NCKAP5L: variants seen among roughly 807,000 people sequenced by gnomAD.
NCKAP5L encodes the protein nck-associated protein 5-like.
A neutral mutation model predicts 103.2 loss-of-function variants in NCKAP5L; 54 were observed. The ratio of observed to expected loss-of-function variants is 0.52; its 90% confidence interval spans 0.42 to 0.66. The LOEUF is 0.66. NCKAP5L is among the 30% of genes least tolerant of loss of function. The pLI is 0.00. For missense variants in NCKAP5L, 1,733 were observed against 1,750.6 expected (o/e 0.99, Z 0.18); for synonymous variants, 762 against 748.6 (o/e 1.02, Z -0.29).
intron 1 of NCKAP5L, among the ~76,000 whole-genome samples, chr12:49,810,126 C>T (rs1946223136): frequency 1.3e-5 from 2 of 150,420 alleles, no homozygotes; most frequent in Non-Finnish European, 3.0e-5. Flanking sequence ...TCAGAGCCCT[C>T]CTGCTCCCTG....
chr12:49,821,692 T>C (rs1946363724), intron 1 of NCKAP5L, among the ~76,000 whole-genome samples: 1 of 152,360 alleles, frequency 6.6e-6, no homozygotes, highest in Non-Finnish European at 1.5e-5. Context: ...TAAAACTGTT[T>C]AATTACTTGA....
At chr12:49,823,941 C>G (rs1307895207) in intron 1 of NCKAP5L, among the ~76,000 whole-genome samples, 1 of 152,180 alleles carries the variant, frequency 6.6e-6, no homozygotes, top group East Asian at 1.9e-4. Flanking sequence ...AAGGATTTCC[C>G]CTCACAGAGA....
intron 3 of NCKAP5L, 86 bp downstream of exon 3, chr12:49,803,836 C>T: frequency 6.6e-7 from 1 of 1,517,580 alleles, no homozygotes; most frequent in South Asian, 1.3e-5. Context: ...CACCCAAAAA[C>T]CTGCAGGAAG....
intron 1 of NCKAP5L, among the ~76,000 whole-genome samples, chr12:49,826,530 C>A (rs1354211890): frequency 1.3e-5 from 2 of 152,218 alleles, no homozygotes; most frequent in African/African-American, 2.4e-5. Context: ...GCACACCCAA[C>A]ACTTTAGCTC....
intron 1 of NCKAP5L, among the ~76,000 whole-genome samples, chr12:49,827,301 T>C (rs769756640): frequency 6.6e-6 from 1 of 151,906 alleles, no homozygotes; most frequent in Non-Finnish European, 1.5e-5. Context: ...GAGGGAGGGA[T>C]TGCCTCTACA....
chr12:49,812,445 G>T (rs185871174), intron 1 of NCKAP5L, among the ~76,000 whole-genome samples: 1 of 151,406 alleles, frequency 6.6e-6, no homozygotes, highest in Non-Finnish European at 1.5e-5. Context: ...GTGCAGTGGC[G>T]TGATCTTGGC....
At chr12:49,798,209 A>C in intron 7 of NCKAP5L, 141 bp downstream of exon 7, 1 of 769,010 alleles carries the variant, frequency 1.3e-6, no homozygotes. Context: ...AGTGGCTAGG[A>C]TTGGGGATCT....
In NCKAP5L at chr12:49,791,667, C is replaced by T. The variant is rs1248254506; in HGVS notation, c.*172G>A. On this transcript the variant is annotated 3_prime_UTR_variant, in exon 13 of 13. Transcript: ENST00000335999. ...CTGAGCTGAGCACGGTCATCTCATC[C>T]GCCGAAGCAGTGGGTGGTGGGGTGT... is the stretch of plus-strand genomic sequence containing the variant. 3 of 570,566 alleles carry T rather than the reference C, an allele frequency of 5.3e-6. No individual in the cohort carries two copies. Among genetic ancestry groups the T allele is most frequent in the Non-Finnish European group, 9.1e-6 (3 of 330,952 alleles). The allele number at this position is 570,566 out of a possible 1,614,324, so 35.3% of individuals were successfully genotyped here.
chr12:49,813,241 G>A (rs1209294821), intron 1 of NCKAP5L, among the ~76,000 whole-genome samples: 4 of 152,148 alleles, frequency 2.6e-5, no homozygotes, highest in Non-Finnish European at 5.9e-5. Context: ...GTCCAGAGCA[G>A]GTGTACCATT....
chr12:49,793,436 G>A lies in NCKAP5L; in HGVS notation c.3259-3C>T, dbSNP rs779145646. The A allele has an allele frequency of 6.2e-6, 10 of 1,609,326 alleles. No individual in the cohort carries two copies. Among genetic ancestry groups the A allele is most frequent in the African/African-American group, 4.0e-5 (3 of 74,920 alleles). ...CGCCTCCCTGGCTCGCTGCTCGGCT[G>A]TGTGGGATACAGGAGACCTCATAGT... is the stretch of plus-strand genomic sequence containing the variant. On this transcript the variant is annotated splice_region_variant and splice_polypyrimidine_tract_variant and intron_variant, in intron 9 of 12. Transcript: ENST00000335999.
chr12:49,817,665 CAT>C (rs1418723181), intron 1 of NCKAP5L, among the ~76,000 whole-genome samples: 3 of 152,008 alleles, frequency 2.0e-5, no homozygotes, highest in East Asian at 3.8e-4. Context: ...AATAAATCCA[CAT>C]GTTTACAGTT....
Position 49,796,272 on chromosome 12 carries a change from G to C in NCKAP5L, c.1588C>G (p.Pro530Ala), listed in dbSNP as rs1422796090. The change falls in exon 8 of 13, where the codon CCA becomes GCA. Residue 530 changes from proline to alanine, a missense_variant. Coordinates refer to ENST00000335999, the MANE Select transcript of NCKAP5L (RefSeq NM_001037806.4). ...PTSPSPCYTT[P>A]DSTQLRPPQS... ...GGGGGTCTGAGCTGTGTGGAGTCTG[G>C]GGTTGTGTAGCAGGGTGAAGGGCTG... The C allele has an allele frequency of 6.4e-7, 1 of 1,555,280 alleles. No homozygotes were observed.
At chr12:49,812,598 G>A (rs925496128) in intron 1 of NCKAP5L, among the ~76,000 whole-genome samples, 2 of 152,094 alleles carry the variant, frequency 1.3e-5, no homozygotes, top group Admixed American at 6.5e-5. Context: ...TGTCCAGGCT[G>A]ATCTCGAACT....
At chr12:49,815,653 T>A (rs990302922) in intron 1 of NCKAP5L, among the ~76,000 whole-genome samples, 1 of 152,092 alleles carries the variant, frequency 6.6e-6, no homozygotes, top group Non-Finnish European at 1.5e-5. Flanking sequence ...CTACACCTGG[T>A]TAATTTTTAT....
Position 49,803,177 on chromosome 12 carries a change from AG to A in NCKAP5L, c.124-13del. ...GCCGAGTTCTCTGCCTGCAGGAGTGAGGGAGGAAGAGGGCAAAAAGGTGGCT... is the reference window on the plus strand; with the variant it reads ...GCCGAGTTCTCTGCCTGCAGGAGTGAGGAGGAAGAGGGCAAAAAGGTGGCT... On this transcript the variant is annotated splice_polypyrimidine_tract_variant and intron_variant, in intron 3 of 12. Transcript: ENST00000335999. 6.2e-7 allele frequency: 1 copy of A among 1,613,960 alleles called. No homozygotes were observed. The highest frequency in any genetic ancestry group is 8.5e-7 in the Non-Finnish European group (1 of 1,179,836).
At chr12:49,822,548 ATTT>A (rs776773360) in intron 1 of NCKAP5L, among the ~76,000 whole-genome samples, 11 of 139,436 alleles carry the variant, frequency 7.9e-5, no homozygotes, top group Non-Finnish European at 7.9e-5. Flanking sequence ...TGGGAGTGAG[ATTT>A]TTTTTTTTTT....
intron 1 of NCKAP5L, among the ~76,000 whole-genome samples, chr12:49,815,679 GGGGTTTCACCACGTT>G (rs1274992412): frequency 1.5e-4 from 23 of 152,176 alleles, no homozygotes; most frequent in African/African-American, 5.5e-4. Context: ...TAGTAGAGAT[GGGGTTTCACCACGTT>G]GGCCAGGCTG....
At chr12:49,805,807 C>T (rs1278064936) in intron 2 of NCKAP5L, 173 bp downstream of exon 2, 1 of 152,276 alleles carries the variant, frequency 6.6e-6, no homozygotes, top group Non-Finnish European at 1.5e-5. Flanking sequence ...GGCAACAAAG[C>T]AAGACCGTTT....
chr12:49,811,057 T>G (rs1946234848), intron 1 of NCKAP5L, among the ~76,000 whole-genome samples: 1 of 152,242 alleles, frequency 6.6e-6, no homozygotes. Context: ...CTAGTCCAAC[T>G]GAGGAACTGA....
Sources: gnomAD v4.1 joint callset for allele counts (sites outside exome capture counted in the v4.1 genomes callset) on GRCh38, gnomAD v4.1.1 for gene constraint, MANE v1.5 for transcripts, NCBI Gene and HGNC (gene_info 2026-07-23, HGNC 2026-07-21) for gene names.